The following PLXNB3 variants were observed in gnomAD, a reference collection of about 807,000 sequenced individuals.
PLXNB3 encodes plexin-B3.
PLXNB3 carries 80 observed loss-of-function variants against 125.7 expected under a neutral mutation model. That is an observed-to-expected ratio of 0.64 (90% CI 0.53 to 0.77). The LOEUF (loss-of-function observed/expected upper bound fraction) is 0.77, where lower values mean the gene tolerates loss of function less well. Among genes scored for constraint, PLXNB3 ranks in the 30% least tolerant of loss-of-function variants. PLXNB3 has a pLI of 0.00. For synonymous variants in PLXNB3, 954 were observed against 783.3 expected, an observed-to-expected ratio of 1.22 and a Z score of -3.64; for missense variants, 1,836 against 1,729.3, an observed-to-expected ratio of 1.06 and a Z score of -1.09.
rs781937702 is a variant in PLXNB3 at position 153,773,839 on chromosome X, C to A, written c.3280-20C>A. The A allele has an allele frequency of 8.3e-7, 1 of 1,210,185 alleles. No homozygotes were observed. Reference sequence around the variant, plus strand: ...GAGCCCAGCTCACTCCACCTGTGGTCGGCCCTGAATGCCCCACAGTGCTCC... The same window carrying A: ...GAGCCCAGCTCACTCCACCTGTGGTAGGCCCTGAATGCCCCACAGTGCTCC... On this transcript the variant is annotated intron_variant, in intron 19 of 35. Coordinates refer to ENST00000361971, the MANE Select transcript of PLXNB3 (RefSeq NM_005393.3).
intron 25 of PLXNB3, 90 bp from the exon 26 acceptor site, chrX:153,775,504 G>A (rs1238871211): frequency 8.8e-7 from 1 of 1,136,146 alleles, no homozygotes; most frequent in Non-Finnish European, 1.2e-6. Flanking sequence ...GTGGGGCCAG[G>A]AAGCCCCAGC....
Position 153,772,193 on chromosome X carries a change from T to A in PLXNB3, c.2681T>A (p.Val894Glu). 2 of 1,204,250 alleles carry A rather than the reference T, an allele frequency of 1.7e-6. No homozygotes were observed. Among genetic ancestry groups the A allele is most frequent in the Non-Finnish European group, 2.2e-6 (2 of 892,225 alleles). Residue 894 changes from valine to glutamate, a missense_variant, in exon 16 of 36, where the codon GTG becomes GAG. Transcript: ENST00000361971. Reference sequence around the variant, plus strand: ...CCTCGGCTTTCCAGGATTGTGTGTGTGACATCTCCTGCCCCCAATGGCACC... The same window carrying A: ...CCTCGGCTTTCCAGGATTGTGTGTGAGACATCTCCTGCCCCCAATGGCACC... The part of the protein sequence containing the change: ...LYRTSARIVC[V>E]TSPAPNGTTG...
In PLXNB3 at chrX:153,770,652, C is replaced by T. The variant is rs782134572; in HGVS notation, c.2010+10C>T. 1.1e-5 allele frequency: 13 copies of T among 1,207,381 alleles called. No homozygotes were observed. Among genetic ancestry groups the T allele is most frequent in the South Asian group, 1.1e-4 (6 of 56,668 alleles). On this transcript the variant is annotated intron_variant, in intron 10 of 35. Transcript: ENST00000361971. The stretch of plus-strand genomic sequence containing the variant: ...CTACAGCGCCCAGGAGGTGGGTGGG[C>T]CCGAACTTCGGGCAGAGACAGGGCT...
chrX:153,778,209 G>A (rs1294122624), intron 32 of PLXNB3, 52 bp from the exon 33 acceptor site: 1 of 1,194,683 alleles, frequency 8.4e-7, no homozygotes, highest in Admixed American at 2.2e-5. Context: ...GCATCATGGG[G>A]GCACCTTCAC....
chrX:153,776,427 T>C lies in PLXNB3; in HGVS notation c.4801T>C (p.Trp1601Arg). Residue 1601 changes from tryptophan (W) to arginine (R), a missense_variant, in exon 28 of 36, where the codon TGG becomes CGG. By Grantham distance (101) the Trp-to-Arg change is moderately radical (BLOSUM62 -3). Transcript: ENST00000361971. ...EDLTSVTQNH[W>R]KRLNTLQHYK... ...CTTGACCTCCGTGACCCAAAACCAC[T>C]GGAAGAGACTCAACACCTTGCAACA... The C allele has an allele frequency of 8.6e-7, 1 of 1,159,555 alleles. No individual in the cohort carries two copies. The highest frequency in any genetic ancestry group is 1.2e-6 in the Non-Finnish European group (1 of 865,901).
chrX:153,765,191 G>C (rs782735659), intron 1 of PLXNB3, among the ~76,000 whole-genome samples: 1 of 112,994 alleles, frequency 8.9e-6, no homozygotes, highest in Non-Finnish European at 1.9e-5. Flanking sequence ...CCCGGATCCC[G>C]GGGGTGGCTC....
chrX:153,769,469 G>A (rs1235793968), intron 6 of PLXNB3, among the ~76,000 whole-genome samples: 1 of 112,279 alleles, frequency 8.9e-6, no homozygotes, highest in African/African-American at 3.2e-5. Flanking sequence ...CCGGCCTGTG[G>A]ACTCCTCATC....
rs782674956 is a variant in PLXNB3, at chrX:153,771,536, G to C, written c.2398G>C (p.Ala800Pro). ...CCACCCGGACTGCAGCCACTGCCAA[G>C]CGGCCAACAGGAGCCTGGGCTGCCT... ...MGHPDCSHCQAANRSLGCLWC... is the reference protein window; with the variant it reads ...MGHPDCSHCQPANRSLGCLWC... Residue 800 changes from alanine to proline, a missense_variant, in exon 14 of 36, where the codon GCG becomes CCG. Physicochemically the swap from Ala to Pro is conservative, Grantham distance 27. Transcript: ENST00000361971. 5 of 1,207,820 alleles carry C rather than the reference G, an allele frequency of 4.1e-6. No homozygotes were observed. The Admixed American group carries it at 1.1e-4, about 26-fold the overall frequency.
rs77452430 is a variant in PLXNB3, at chrX:153,768,745, G to A, written c.1267-203G>A. Among the ~76,000 whole-genome samples the A allele has an allele frequency of 1.3e-4, 15 of 112,394 alleles. No individual in the cohort carries two copies. In the East Asian group the frequency reaches 2.3e-3, roughly 17 times the overall value. ...TACACGGGGCCTCACCCAGGGTGCC[G>A]CTGCTGCCCCGGTGTCATGGTTCCC... On this transcript the variant is annotated intron_variant, in intron 4 of 35. Coordinates refer to ENST00000361971, the MANE Select transcript of PLXNB3 (RefSeq NM_005393.3).
In PLXNB3 at chrX:153,774,719, C is replaced by G. The variant is rs1557063382; in HGVS notation, c.3844C>G (p.Gln1282Glu). The change falls in exon 23 of 36, where the codon CAG becomes GAG. Residue 1282 changes from glutamine (Q) to glutamate (E), a missense_variant. Physicochemically the swap from Gln to Glu is conservative, Grantham distance 29. Transcript: ENST00000361971. ...LTLMYRHKSK[Q>E]ALRDYQKVLV... ...CCCGGGCTGCAGGCACAAGAGCAAG[C>G]AGGCCCTGCGGGACTACCAGAAGGT... is the stretch of plus-strand genomic sequence containing the variant. 1.1e-5 allele frequency: 13 copies of G among 1,170,626 alleles called. No homozygotes were observed. The highest frequency in any genetic ancestry group is 1.4e-5 in the Non-Finnish European group (12 of 873,861).
chrX:153,775,757 C>A lies in PLXNB3; in HGVS notation c.4401+97C>A. ...CTGCCTGCGCCCTACGTGACGAAGGCCCGGCAAGGGGGGCTTTGGAAAGGG... is the reference window on the plus strand; with the variant it reads ...CTGCCTGCGCCCTACGTGACGAAGGACCGGCAAGGGGGGCTTTGGAAAGGG... On this transcript the variant is annotated intron_variant, in intron 26 of 35. Transcript: ENST00000361971. 3 of 1,092,198 alleles carry A rather than the reference C, an allele frequency of 2.7e-6. No individual in the cohort carries two copies. In the African/African-American group the frequency reaches 5.4e-5, roughly 20 times the overall value. 90.0% of individuals were successfully genotyped at this position (1,092,198 alleles called of 1,213,427 possible).
chrX:153,774,252 C>A lies in PLXNB3; in HGVS notation c.3586C>A (p.Leu1196Met). The change falls in exon 21 of 36, where the codon CTG (leucine) becomes ATG (methionine). Residue 1196 changes from leucine to methionine, a missense_variant. Leu to Met is a conservative substitution (Grantham distance 15). Coordinates refer to ENST00000361971, the MANE Select transcript of PLXNB3 (RefSeq NM_005393.3). ...VRVHIGRGEC[L>M]VKTLTRTHLY... ...CGTGCACATCGGCCGCGGCGAGTGC[C>A]TGGTGAAGACGCTCACGCGCACCCA... The A allele has an allele frequency of 8.4e-7, 1 of 1,192,252 alleles. No homozygotes were observed.
At position 153,766,878 on chromosome X, in the gene PLXNB3, C is replaced by A. The variant is rs200251935; in HGVS notation, c.51C>A (p.Pro17=). Residue 17 remains proline (P), a synonymous_variant, in exon 3 of 36, where the codon CCC becomes CCA. Coordinates refer to ENST00000361971, the MANE Select transcript of PLXNB3 (RefSeq NM_005393.3). ...ETPLLHHFMA[P]VMARWPPFGL... ...TGACCTGTGCCCTCTCACAGGCCCCCGTGATGGCTCGCTGGCCTCCCTTCG... is the reference window on the plus strand; with the variant it reads ...TGACCTGTGCCCTCTCACAGGCCCCAGTGATGGCTCGCTGGCCTCCCTTCG... 1.3e-5 allele frequency: 15 copies of A among 1,193,945 alleles called. No individual in the cohort carries two copies. The highest frequency in any genetic ancestry group is 2.3e-4 in the Middle Eastern group (1 of 4,326).
In PLXNB3 at chrX:153,775,348, C is replaced by T. The variant is rs2091974076; in HGVS notation, c.4279C>T (p.Leu1427=). 8.3e-7 allele frequency: 1 copy of T among 1,210,173 alleles called. No homozygotes were observed. Among genetic ancestry groups the T allele is most frequent in the Non-Finnish European group, 1.1e-6 (1 of 894,893 alleles). ...CCTGACGGACATCATGAGGACCCTG[C>T]TGGGTGACCTGGCGGCCCATTACGT... ...EYLTDIMRTL[L]GDLAAHYVHR... is the part of the protein sequence containing the mutation. The change falls in exon 25 of 36, where the codon CTG becomes TTG. Residue 1427 remains leucine, a synonymous_variant. Coordinates refer to ENST00000361971, the MANE Select transcript of PLXNB3 (RefSeq NM_005393.3).
intron 1 of PLXNB3, among the ~76,000 whole-genome samples, 176 bp downstream of exon 1, chrX:153,764,480 T>C (rs1265564153): frequency 8.9e-6 from 1 of 112,775 alleles, no homozygotes; most frequent in African/African-American, 3.2e-5. Flanking sequence ...CCCCAAGTGG[T>C]AGCCCTGGGG....
At position 153,767,745 on chromosome X, in the gene PLXNB3, C is replaced by T. The variant is rs782248086; in HGVS notation, c.918C>T (p.Gly306=). The part of the protein sequence containing the change: ...PGTLLGVFAA[G]PRGTQAALCA... ...CCTTGCTAGGGGTGTTTGCCGCGGG[C>T]CCAAGGGGCACCCAGGCGGCGCTCT... Residue 306 remains glycine, a synonymous_variant, in exon 3 of 36, where the codon GGC becomes GGT. Coordinates refer to ENST00000361971, the MANE Select transcript of PLXNB3 (RefSeq NM_005393.3). 28 of 1,171,434 alleles carry T rather than the reference C, an allele frequency of 2.4e-5. No individual in the cohort carries two copies. In the African/African-American group the frequency reaches 3.7e-4, roughly 16 times the overall value.
rs12008929 is a variant in PLXNB3, at chrX:153,765,887, G to T, written c.45+307G>T. 1.8e-3 allele frequency: 1,325 copies of T among 752,875 alleles called. 5 individuals carry two copies. The African/African-American group carries it at 0.02, about 11-fold the overall frequency. The allele number at this position is 752,875 out of a possible 1,213,427, so 62.0% of individuals were successfully genotyped here. ...GAGGGCAGGAGGGGCCAGAGAAGGGGCTGCTCCCACCTCTCACCCTCGGGG... is the reference window on the plus strand; with the variant it reads ...GAGGGCAGGAGGGGCCAGAGAAGGGTCTGCTCCCACCTCTCACCCTCGGGG... On this transcript the variant is annotated intron_variant, in intron 2 of 35. Transcript: ENST00000361971.
chrX:153,775,751 C>T (rs1489445556), intron 26 of PLXNB3, 91 bp downstream of exon 26: 28 of 1,093,713 alleles, frequency 2.6e-5, no homozygotes, highest in East Asian at 1.5e-4. Flanking sequence ...CCCTACGTGA[C>T]GAAGGCCCGG....
chrX:153,770,106 C>A lies in PLXNB3; in HGVS notation c.1644C>A (p.Val548=). The A allele has an allele frequency of 8.3e-7, 1 of 1,210,603 alleles. No homozygotes were observed. The highest frequency in any genetic ancestry group is 3.0e-5 in the East Asian group (1 of 33,871). The part of the protein sequence containing the change: ...RQEQGQVTLS[V]PRLPILDADE... Reference sequence around the variant, plus strand: ...CTGCATCCCAGGTCACTTTGTCTGTCCCCCGGCTGCCCATCCTGGATGCAG... The same window carrying A: ...CTGCATCCCAGGTCACTTTGTCTGTACCCCGGCTGCCCATCCTGGATGCAG... The change falls in exon 8 of 36, where the codon GTC becomes GTA. Residue 548 remains valine (V), a synonymous_variant. Coordinates refer to ENST00000361971, the MANE Select transcript of PLXNB3 (RefSeq NM_005393.3).
Sources: allele counts gnomAD v4.1 joint callset (sites outside exome capture counted in the v4.1 genomes callset), GRCh38; gene constraint gnomAD v4.1.1; transcripts MANE v1.5; gene names NCBI Gene and HGNC (gene_info 2026-07-23, HGNC 2026-07-21).